The following VPS37A variants were observed in gnomAD, a reference collection of about 807,000 sequenced individuals.
VPS37A encodes vacuolar protein sorting-associated protein 37A.
VPS37A carries 30 observed loss-of-function variants against 49.8 expected under a neutral mutation model. The ratio of observed to expected loss-of-function variants is 0.60; its 90% CI spans 0.45 to 0.82. VPS37A has a LOEUF of 0.82. Ranked by LOEUF, VPS37A falls within the 40% of genes least tolerant of loss-of-function variation. The pLI, the probability that VPS37A is intolerant of heterozygous loss-of-function variation, is 0.00. For missense variants in VPS37A, 593 were observed against 464.4 expected (o/e 1.28, Z -2.55); for synonymous variants, 195 against 160.6 (o/e 1.21, Z -1.62).
At chr8:17,265,468 G>A (rs529669136) in intron 1 of VPS37A, among the ~76,000 whole-genome samples, 1 of 152,298 alleles carries the variant, frequency 6.6e-6, no homozygotes, top group East Asian at 1.9e-4. Context: ...AAGATTGTAG[G>A]ATGCGTCTCA....
At chr8:17,280,625 C>T (rs775566978) in intron 9 of VPS37A, among the ~76,000 whole-genome samples, 182 bp downstream of exon 9, 1 of 151,828 alleles carries the variant, frequency 6.6e-6, no homozygotes, top group Non-Finnish European at 1.5e-5. Flanking sequence ...ATTATTTGTG[C>T]TCATATAAGA....
At chr8:17,264,129 C>A (rs118055017) in intron 1 of VPS37A, among the ~76,000 whole-genome samples, 12 of 151,954 alleles carry the variant, frequency 7.9e-5, no homozygotes, top group African/African-American at 2.7e-4. Flanking sequence ...TTTTTAACAT[C>A]TCCCTTTCCC....
downstream of VPS37A, chr8:17,305,980 CT>C: frequency 6.4e-7 from 1 of 1,554,554 alleles, no homozygotes; most frequent in Non-Finnish European, 8.8e-7. Flanking sequence ...GCATTAGAGA[CT>C]TTTTAAGGCA....
At chr8:17,286,223 T>C in intron 10 of VPS37A, 124 bp from the exon 11 acceptor site, 1 of 702,584 alleles carries the variant, frequency 1.4e-6, no homozygotes, top group Non-Finnish European at 2.4e-6. Flanking sequence ...TTATTAGCTA[T>C]CTTCAACATT....
downstream of VPS37A, among the ~76,000 whole-genome samples, chr8:17,305,586 A>ATTTAAAC (rs1238708722): frequency 1.3e-5 from 2 of 152,212 alleles, no homozygotes; most frequent in African/African-American, 4.8e-5. Flanking sequence ...AGTTGATGAC[A>ATTTAAAC]TTTAAACCAT....
chr8:17,255,528 A>G (rs1812364693), intron 1 of VPS37A, among the ~76,000 whole-genome samples: 1 of 152,030 alleles, frequency 6.6e-6, no homozygotes, highest in Admixed American at 6.6e-5. Context: ...ATATGTGTGT[A>G]TATATATAAA....
intron 1 of VPS37A, among the ~76,000 whole-genome samples, chr8:17,257,497 G>A (rs927332246): frequency 9.9e-5 from 15 of 152,108 alleles, no homozygotes; most frequent in Admixed American, 4.6e-4. Flanking sequence ...GTCAGGGGGC[G>A]TTAGGGGAGG....
At chr8:17,294,629 G>A (rs183073609) in intron 11 of VPS37A, among the ~76,000 whole-genome samples, 4 of 152,314 alleles carry the variant, frequency 2.6e-5, no homozygotes, top group South Asian at 2.1e-4. Flanking sequence ...TGGAAAAAGC[G>A]TAGTTTCTGG....
the VPS37A span, among the ~76,000 whole-genome samples, chr8:17,329,168 T>TG: frequency 0.012 from 1,887 of 152,294 alleles, 41 homozygotes; most frequent in East Asian, 0.075. Flanking sequence ...AAGTGACCAG[T>TG]AGTATGAGCC....
At chr8:17,273,684 G>C (rs1471945103) in intron 4 of VPS37A, among the ~76,000 whole-genome samples, 1 of 151,902 alleles carries the variant, frequency 6.6e-6, no homozygotes, top group African/African-American at 2.4e-5. Context: ...CTTTATCAAA[G>C]GACTAATATT....
intron 1 of VPS37A, among the ~76,000 whole-genome samples, chr8:17,256,556 G>A (rs939031022): frequency 6.6e-6 from 1 of 151,754 alleles, no homozygotes; most frequent in African/African-American, 2.4e-5. Context: ...TTGTCAGATG[G>A]ATAGTTTACA....
the VPS37A span, among the ~76,000 whole-genome samples, chr8:17,312,026 T>G: frequency 6.6e-6 from 1 of 151,658 alleles, no homozygotes; most frequent in Non-Finnish European, 1.5e-5. Flanking sequence ...GGCAAAAAAG[T>G]TATAAATTAC....
At chr8:17,269,673 G>A (rs759412353) in intron 4 of VPS37A, among the ~76,000 whole-genome samples, 1 of 151,986 alleles carries the variant, frequency 6.6e-6, no homozygotes, top group African/African-American at 2.4e-5. Context: ...CTCTCACCAG[G>A]AATTTCCTTT....
At chr8:17,327,213 G>A in the VPS37A span, among the ~76,000 whole-genome samples, 5 of 152,074 alleles carry the variant, frequency 3.3e-5, no homozygotes, top group African/African-American at 9.7e-5. Flanking sequence ...ACATTCATTC[G>A]GCTTCCAATA....
downstream of VPS37A, chr8:17,305,988 G>A (rs140708827): frequency 2.9e-4 from 445 of 1,541,464 alleles, 2 homozygotes; most frequent in African/African-American, 5.6e-3. Flanking sequence ...GACTTTTTAA[G>A]GCAGATTTAT....
At chr8:17,274,685 G>A in intron 4 of VPS37A, 48 bp from the exon 5 acceptor site, 2 of 1,482,532 alleles carry the variant, frequency 1.3e-6, no homozygotes, top group Non-Finnish European at 1.9e-6. Flanking sequence ...AATTTGACAT[G>A]TTTTATCCAT....
In VPS37A at chr8:17,265,890, A is replaced by C. The variant is rs1813404100; in HGVS notation, c.126-17A>C. ...TTTCATGACTTTGGGTAAATTTTTT[A>C]AAATTTTCTCCTGCAGTATAGCCGA... On this transcript the variant is annotated splice_polypyrimidine_tract_variant and intron_variant, in intron 1 of 11. Coordinates refer to ENST00000324849, the MANE Select transcript of VPS37A (RefSeq NM_152415.3). 1 of 1,613,074 alleles carries C rather than the reference A, an allele frequency of 6.2e-7. No individual in the cohort carries two copies. Among genetic ancestry groups the C allele is most frequent in the South Asian group, 1.1e-5 (1 of 90,984 alleles).
chr8:17,315,114 A>G, the VPS37A span, among the ~76,000 whole-genome samples: 5 of 152,244 alleles, frequency 3.3e-5, no homozygotes, highest in Non-Finnish European at 7.3e-5. Context: ...ATTTAAACAT[A>G]TGAAGTTTAA....
At chr8:17,308,137 G>A in the VPS37A span, among the ~76,000 whole-genome samples, 1 of 151,828 alleles carries the variant, frequency 6.6e-6, no homozygotes, top group African/African-American at 2.4e-5. Flanking sequence ...AGTCTTTTAT[G>A]GCTTCAGAAT....
Sources: gnomAD v4.1 joint callset for allele counts (sites outside exome capture counted in the v4.1 genomes callset) on GRCh38, gnomAD v4.1.1 for gene constraint, MANE v1.5 for transcripts, NCBI Gene and HGNC (gene_info 2026-07-23, HGNC 2026-07-21) for gene names.